GAB2: variants seen among roughly 807,000 people sequenced by gnomAD.
The protein encoded by GAB2 is GRB2-associated-binding protein 2.
Under a neutral mutation model 65.5 loss-of-function variants are expected in GAB2, and 26 were observed. The observed-to-expected ratio is 0.40, with a 90% CI of 0.29 to 0.55. The LOEUF (loss-of-function observed/expected upper bound fraction) is 0.55. GAB2 is among the 20% of genes least tolerant of loss of function. GAB2 has a pLI of 0.53. For missense variants in GAB2, 884 were observed against 875.8 expected, an observed-to-expected ratio of 1.01 and a Z score of -0.12; for synonymous variants, 321 against 329.6, an observed-to-expected ratio of 0.97 and a Z score of 0.28.
In GAB2 at chr11:78,280,276, T is replaced by C. The variant is rs113532466; in HGVS notation, c.376+325A>G. Among the ~76,000 whole-genome samples the C allele has an allele frequency of 3.0e-3, 452 of 152,226 alleles. 2 individuals carry two copies. The highest frequency in any genetic ancestry group is 0.01 in the African/African-American group (420 of 41,534). On this transcript the variant is annotated intron_variant, in intron 2 of 9. Coordinates refer to ENST00000361507, the MANE Select transcript of GAB2 (RefSeq NM_080491.3). ...CCTTCCCTATGGGATGGGTGACAGA[T>C]AATGGGACACAGAGTGCTGGACAGC...
chr11:78,343,087 A>C (rs952415838), intron 1 of GAB2, among the ~76,000 whole-genome samples: 1 of 152,106 alleles, frequency 6.6e-6, no homozygotes, highest in Admixed American at 6.6e-5. Context: ...ACCCACTAAG[A>C]ATATAAATTA....
intron 1 of GAB2, among the ~76,000 whole-genome samples, chr11:78,348,814 A>T (rs1452694100): frequency 6.6e-6 from 1 of 152,256 alleles, no homozygotes; most frequent in Non-Finnish European, 1.5e-5. Flanking sequence ...GAAACAAGAA[A>T]GAACCCAATG....
At chr11:78,275,761 T>C (rs915372435) in intron 2 of GAB2, among the ~76,000 whole-genome samples, 2 of 152,160 alleles carry the variant, frequency 1.3e-5, no homozygotes, top group Admixed American at 1.3e-4. Flanking sequence ...TGTGTGTGTA[T>C]ATATACACTA....
At chr11:78,372,197 A>G (rs1040097211) in intron 1 of GAB2, among the ~76,000 whole-genome samples, 4 of 152,094 alleles carry the variant, frequency 2.6e-5, no homozygotes, top group African/African-American at 7.2e-5. Context: ...ACCATCCTCT[A>G]TAAGTTTACA....
chr11:78,244,235 T>C (rs1865226494), intron 3 of GAB2, among the ~76,000 whole-genome samples: 2 of 151,840 alleles, frequency 1.3e-5, no homozygotes. Flanking sequence ...CTATTAAAAA[T>C]AGAAAAATTG....
At chr11:78,398,145 T>A (rs530124512) in intron 1 of GAB2, among the ~76,000 whole-genome samples, 1 of 152,300 alleles carries the variant, frequency 6.6e-6, no homozygotes, top group African/African-American at 2.4e-5. Context: ...CTTAGCACTT[T>A]CCCCTGCTCT....
At chr11:78,225,659 A>T (rs1864617796) in intron 4 of GAB2, among the ~76,000 whole-genome samples, 1 of 152,228 alleles carries the variant, frequency 6.6e-6, no homozygotes, top group Non-Finnish European at 1.5e-5. Context: ...CAAATTGTCG[A>T]TGGATTGAAA....
chr11:78,405,050 A>G (rs1002527597), intron 1 of GAB2, among the ~76,000 whole-genome samples: 1 of 152,022 alleles, frequency 6.6e-6, no homozygotes, highest in Non-Finnish European at 1.5e-5. Context: ...AAAAAAATAA[A>G]GGCAGAATCC....
At chr11:78,407,742 G>C (rs1016964847) in intron 1 of GAB2, among the ~76,000 whole-genome samples, 1 of 144,914 alleles carries the variant, frequency 6.9e-6, no homozygotes, top group African/African-American at 2.6e-5. Context: ...AAGAAAGAAA[G>C]AAAGAAAAAG....
At chr11:78,288,263 A>T (rs1209789994) in intron 1 of GAB2, among the ~76,000 whole-genome samples, 3 of 151,448 alleles carry the variant, frequency 2.0e-5, no homozygotes, top group African/African-American at 7.3e-5. Flanking sequence ...CCTGTAATCC[A>T]AGCTACTAGG....
At chr11:78,400,866 T>C (rs1168219416) in intron 1 of GAB2, among the ~76,000 whole-genome samples, 1 of 123,844 alleles carries the variant, frequency 8.1e-6, no homozygotes, top group African/African-American at 3.1e-5. Flanking sequence ...ACTGTGCCAC[T>C]GCACTCCAGC....
chr11:78,225,050 G>C (rs925061535), intron 5 of GAB2, 58 bp downstream of exon 5: 1 of 1,021,888 alleles, frequency 9.8e-7, no homozygotes, highest in African/African-American at 1.6e-5. Context: ...ATTCCATAAG[G>C]TGTGACCTTT....
chr11:78,346,715 ATATATAATTTTTTTTT>A (rs1381019255), intron 1 of GAB2, among the ~76,000 whole-genome samples: 60 of 44,014 alleles, frequency 1.4e-3, no homozygotes, highest in Middle Eastern at 0.012. Flanking sequence ...ATATATATAT[ATATATAATTTTTTTTT>A]TTTTTAGGAA....
intron 1 of GAB2, among the ~76,000 whole-genome samples, chr11:78,411,950 A>G (rs958739798): frequency 2.6e-5 from 4 of 152,076 alleles, no homozygotes; most frequent in Admixed American, 1.3e-4. Context: ...GAATCGCTTG[A>G]ACCTGGGAGG....
chr11:78,365,328 C>A (rs1856482974), intron 1 of GAB2, among the ~76,000 whole-genome samples: 1 of 152,118 alleles, frequency 6.6e-6, no homozygotes, highest in Non-Finnish European at 1.5e-5. Flanking sequence ...TATCAGTGTC[C>A]CTTCTCCTTC....
intron 1 of GAB2, among the ~76,000 whole-genome samples, chr11:78,399,559 C>A (rs1292673257): frequency 5.9e-5 from 9 of 152,184 alleles, no homozygotes; most frequent in Non-Finnish European, 1.0e-4. Context: ...ATGAGACTGG[C>A]AGATCCTTGA....
chr11:78,238,195 G>C (rs1288199131), intron 3 of GAB2, among the ~76,000 whole-genome samples: 1 of 121,264 alleles, frequency 8.2e-6, no homozygotes, highest in African/African-American at 3.0e-5. Context: ...AATAAAAGTT[G>C]AGGGAAGAAA....
At chr11:78,372,582 C>A (rs1382356087) in intron 1 of GAB2, among the ~76,000 whole-genome samples, 1 of 152,110 alleles carries the variant, frequency 6.6e-6, no homozygotes, top group African/African-American at 2.4e-5. Context: ...AGGAAAGGGA[C>A]AAAAAGCCAG....
At chr11:78,414,341 T>C (rs1857166838) in intron 1 of GAB2, among the ~76,000 whole-genome samples, 2 of 152,160 alleles carry the variant, frequency 1.3e-5, no homozygotes, top group South Asian at 4.1e-4. Context: ...ATAAATATAA[T>C]GGAAATAAAC....
Sources: gnomAD v4.1 joint callset for allele counts (sites outside exome capture counted in the v4.1 genomes callset) on GRCh38, gnomAD v4.1.1 for gene constraint, MANE v1.5 for transcripts, NCBI Gene and HGNC (gene_info 2026-07-23, HGNC 2026-07-21) for gene names.